The following AGAP1 variants were observed in gnomAD, a reference collection of about 807,000 sequenced individuals.
AGAP1 encodes ArfGAP with GTPase domain, ankyrin repeat and PH domain 1, also known as arf-GAP with GTPase, ANK repeat and PH domain-containing protein 1.
AGAP1 carries 29 observed loss-of-function variants against 105.3 expected under a neutral mutation model. That is an observed-to-expected ratio of 0.28 (90% CI 0.21 to 0.38). The LOEUF (loss-of-function observed/expected upper bound fraction) is 0.38, where lower values mean the gene tolerates loss of function less well. Among genes scored for constraint, AGAP1 ranks in the 10% least tolerant of loss-of-function variants. The probability of loss-of-function intolerance (pLI) is 1.00; values close to 1 mark genes in which losing one functional copy is unlikely to be tolerated. For missense variants in AGAP1, 998 were observed against 1,165.1 expected (o/e 0.86, Z 2.09); for synonymous variants, 509 against 485.9 (o/e 1.05, Z -0.63).
rs1001450611 is a variant in AGAP1 at position 235,747,750 on chromosome 2, G to A, written c.539-2604G>A. Among the ~76,000 whole-genome samples the A allele has an allele frequency of 6.6e-6, 1 of 152,232 alleles. No individual in the cohort carries two copies. The highest frequency in any genetic ancestry group is 2.4e-5 in the African/African-American group (1 of 41,466). On this transcript the variant is annotated intron_variant, in intron 5 of 17. Coordinates refer to ENST00000304032, the MANE Select transcript of AGAP1 (RefSeq NM_001037131.3). The surrounding 1 kb of genome is among the most constrained non-coding windows in gnomAD (Gnocchi z 5.0). ...AGCCCGTGCTCGGCTGCTCTTTCAG[G>A]GGTTTGGCTTCCTGGGATGCCAGAG...
intron 13 of AGAP1, among the ~76,000 whole-genome samples, chr2:235,999,238 G>A (rs1028111277): frequency 4.8e-5 from 7 of 146,978 alleles, no homozygotes; most frequent in Non-Finnish European, 9.0e-5. Flanking sequence ...ATGGTGAGAG[G>A]TTATAGTGGT....
intron 2 of AGAP1, among the ~76,000 whole-genome samples, chr2:235,711,159 T>C (rs13388537): frequency 0.02 from 3,116 of 152,350 alleles, 112 homozygotes; most frequent in African/African-American, 0.071. Flanking sequence ...GCTGGCGCCA[T>C]GTGGCTGTTG....
chr2:235,622,885 G>A lies in AGAP1; in HGVS notation c.164-86294G>A, dbSNP rs568272607. Among the ~76,000 whole-genome samples, 140 of 152,130 alleles carry A rather than the reference G, an allele frequency of 9.2e-4. No individual in the cohort carries two copies. Among genetic ancestry groups the A allele is most frequent in the South Asian group, 3.9e-3 (19 of 4,814 alleles). On this transcript the variant is annotated intron_variant, in intron 1 of 17. Coordinates refer to ENST00000304032, the MANE Select transcript of AGAP1 (RefSeq NM_001037131.3). This position sits in a 1 kb window ranked among gnomAD's most constrained non-coding sequence, Gnocchi z 5.0. Reference sequence around the variant, plus strand: ...ATGTGATGTTAATAGTCTCTTCTTGGAGTCAGCACTGCTTCACGGTCCTAT... The same window carrying A: ...ATGTGATGTTAATAGTCTCTTCTTGAAGTCAGCACTGCTTCACGGTCCTAT...
rs1349793072 is a variant in AGAP1 at position 235,609,349 on chromosome 2, TG to T, written c.164-99826del. Among the ~76,000 whole-genome samples the T allele has an allele frequency of 6.6e-6, 1 of 151,992 alleles. No individual in the cohort carries two copies. The highest frequency in any genetic ancestry group is 1.5e-5 in the Non-Finnish European group (1 of 68,010). On this transcript the variant is annotated intron_variant, in intron 1 of 17. Transcript: ENST00000304032. The surrounding 1 kb of genome is among the most constrained non-coding windows in gnomAD (Gnocchi z 5.1). Reference sequence around the variant, plus strand: ...TCCCTGTTAAAATGGCCAGAGGACATGGGGACATGGGGCAGGGAGAGCTTCA... The same window carrying T: ...TCCCTGTTAAAATGGCCAGAGGACATGGGACATGGGGCAGGGAGAGCTTCA...
chr2:235,997,314 C>A (rs1156700280), intron 13 of AGAP1, among the ~76,000 whole-genome samples: 1 of 152,178 alleles, frequency 6.6e-6, no homozygotes, highest in Non-Finnish European at 1.5e-5. Flanking sequence ...GTCTCGAACT[C>A]CTGACCTCAG....
At chr2:235,572,973 TTTTTTCTTCTTCTTC>T (rs1944580178) in intron 1 of AGAP1, among the ~76,000 whole-genome samples, 3 of 136,944 alleles carry the variant, frequency 2.2e-5, no homozygotes, top group Admixed American at 2.1e-4. Context: ...TTGCTCCATC[TTTTTTCTTCTTCTTC>T]TTCTTCTTCT....
At chr2:236,049,038 G>C in intron 15 of AGAP1, 21 bp from the exon 16 acceptor site, 1 of 1,606,540 alleles carries the variant, frequency 6.2e-7, no homozygotes, top group Non-Finnish European at 8.5e-7. Flanking sequence ...TGCGTTTAGC[G>C]TTCTGTTCCT....
At position 235,789,521 on chromosome 2, in the gene AGAP1, G is replaced by T. The variant is rs1464692155; in HGVS notation, c.674-8238G>T. ...AACTGAATTTCAGATTAAGAATTCA[G>T]ACTTCAGTACTTCAGGAAAAACTTA... is the stretch of plus-strand genomic sequence containing the variant. On this transcript the variant is annotated intron_variant, in intron 6 of 17. Transcript: ENST00000304032. The surrounding 1 kb of genome is among the most constrained non-coding windows in gnomAD (Gnocchi z 4.2). Among the ~76,000 whole-genome samples, 2 of 152,100 alleles carry T rather than the reference G, an allele frequency of 1.3e-5. No homozygotes were observed. Among genetic ancestry groups the T allele is most frequent in the African/African-American group, 4.8e-5 (2 of 41,392 alleles).
intron 1 of AGAP1, among the ~76,000 whole-genome samples, chr2:235,546,050 G>T (rs753915045): frequency 6.6e-5 from 10 of 152,180 alleles, no homozygotes; most frequent in Non-Finnish European, 1.5e-4. Flanking sequence ...TTTCATCTGT[G>T]CCCAGCTGTG....
rs929476248 is a variant in AGAP1, at chr2:235,976,317, A to G, written c.1645+7694A>G. On this transcript the variant is annotated intron_variant, in intron 13 of 17. Coordinates refer to ENST00000304032, the MANE Select transcript of AGAP1 (RefSeq NM_001037131.3). This position sits in a 1 kb window ranked among gnomAD's most constrained non-coding sequence, Gnocchi z 4.5. ...ATCTGGGTTTACTCTAGACATTGACATTGTAGATTGGGCACAGTTGACTCA... is the reference window on the plus strand; with the variant it reads ...ATCTGGGTTTACTCTAGACATTGACGTTGTAGATTGGGCACAGTTGACTCA... Among the ~76,000 whole-genome samples, 4 of 152,136 alleles carry G rather than the reference A, an allele frequency of 2.6e-5. No individual in the cohort carries two copies. The highest frequency in any genetic ancestry group is 2.1e-4 in the South Asian group (1 of 4,820).
chr2:236,115,885 A>G (rs879747013), intron 16 of AGAP1, among the ~76,000 whole-genome samples: 1 of 142,388 alleles, frequency 7.0e-6, no homozygotes, highest in South Asian at 2.2e-4. Context: ...GCTCACTGCA[A>G]CCTCTGCCTG....
At chr2:236,060,159 A>G (rs887593585) in intron 16 of AGAP1, among the ~76,000 whole-genome samples, 1 of 152,250 alleles carries the variant, frequency 6.6e-6, no homozygotes. Context: ...CTGAAACTAT[A>G]AAACTTTTAG....
intron 1 of AGAP1, among the ~76,000 whole-genome samples, chr2:235,511,217 G>C (rs1318369969): frequency 6.6e-6 from 1 of 151,584 alleles, no homozygotes; most frequent in Non-Finnish European, 1.5e-5. Flanking sequence ...GATGAGCTCT[G>C]TGACCCCCTC....
intron 1 of AGAP1, among the ~76,000 whole-genome samples, chr2:235,686,582 C>CAT (rs1308500008): frequency 2.2e-4 from 29 of 129,772 alleles, no homozygotes; most frequent in African/African-American, 8.7e-4. Context: ...CACACACACA[C>CAT]ACACACGTGT....
At chr2:235,942,204 C>T (rs1226247634) in intron 12 of AGAP1, among the ~76,000 whole-genome samples, 2 of 152,142 alleles carry the variant, frequency 1.3e-5, no homozygotes, top group South Asian at 2.1e-4. Flanking sequence ...CTGCGTTAAT[C>T]GAGAGCAGAG....
chr2:235,870,376 C>A (rs2049377927), intron 9 of AGAP1, among the ~76,000 whole-genome samples: 1 of 152,184 alleles, frequency 6.6e-6, no homozygotes, highest in South Asian at 2.1e-4. Context: ...GCTGTAATCC[C>A]AGCACTTTGG....
At chr2:235,707,759 G>A (rs1193324796) in intron 1 of AGAP1, among the ~76,000 whole-genome samples, 1 of 151,210 alleles carries the variant, frequency 6.6e-6, no homozygotes, top group Non-Finnish European at 1.5e-5. Flanking sequence ...TCCCCAGTGT[G>A]TGACATGGTG....
intron 16 of AGAP1, among the ~76,000 whole-genome samples, chr2:236,084,643 C>A (rs1209184861): frequency 3.3e-5 from 5 of 152,122 alleles, no homozygotes; most frequent in Non-Finnish European, 5.9e-5. Flanking sequence ...TAGCTCATGC[C>A]TGTAATCCCA....
At position 236,040,500 on chromosome 2, in the gene AGAP1, C is replaced by T. The variant is rs968811902; in HGVS notation, c.1801-251C>T. On this transcript the variant is annotated intron_variant, in intron 14 of 17. Transcript: ENST00000304032. This position sits in a 1 kb window ranked among gnomAD's most constrained non-coding sequence, Gnocchi z 5.6. ...ATGATCCAGAACTCTCCTCTTTGCT[C>T]ATTTCTGGCAGAGTCCGTCTCAGCT... 4 of 528,648 alleles carry T rather than the reference C, an allele frequency of 7.6e-6. No individual in the cohort carries two copies. The highest frequency in any genetic ancestry group is 1.4e-5 in the Non-Finnish European group (4 of 294,192). The allele number at this position is 528,648 out of a possible 1,614,324, so 32.7% of individuals were successfully genotyped here.
Sources: allele counts gnomAD v4.1 joint callset (sites outside exome capture counted in the v4.1 genomes callset), GRCh38; gene constraint gnomAD v4.1.1; non-coding constraint Gnocchi (gnomAD v3.1); transcripts MANE v1.5; gene names NCBI Gene and HGNC (gene_info 2026-07-23, HGNC 2026-07-21).